Variants in CADPS2 observed in about 807,000 individuals in gnomAD.
The protein encoded by CADPS2 is calcium dependent secretion activator 2.
In CADPS2, 93 loss-of-function variants were observed where a neutral mutation model predicts 172.5. That is an observed-to-expected ratio of 0.54 (90% CI 0.46 to 0.64). The LOEUF (loss-of-function observed/expected upper bound fraction) is 0.64, where lower values mean the gene tolerates loss of function less well. Among genes scored for constraint, CADPS2 ranks in the 30% least tolerant of loss-of-function variants. CADPS2 has a pLI of 0.00. For synonymous variants in CADPS2, 546 were observed against 555.2 expected, an observed-to-expected ratio of 0.98 and a Z score of 0.23; for missense variants, 1,420 against 1,565.9, an observed-to-expected ratio of 0.91 and a Z score of 1.57.
intron 19 of CADPS2, among the ~76,000 whole-genome samples, chr7:122,408,346 TAG>T (rs1269748505): frequency 3.9e-5 from 6 of 152,346 alleles, no homozygotes; most frequent in African/African-American, 1.4e-4. Flanking sequence ...GTATGCATTT[TAG>T]AGTCTTCACA....
intron 9 of CADPS2, among the ~76,000 whole-genome samples, chr7:122,507,452 A>G (rs1326620990): frequency 6.6e-6 from 1 of 152,150 alleles, no homozygotes; most frequent in East Asian, 1.9e-4. Context: ...GTATCTGGTG[A>G]CTTGAAGGTG....
chr7:122,878,512 T>C (rs1286598787), intron 1 of CADPS2, among the ~76,000 whole-genome samples: 1 of 150,108 alleles, frequency 6.7e-6, no homozygotes, highest in Non-Finnish European at 1.5e-5. Context: ...CAGTGGCGGG[T>C]GCCTGTAGTC....
At chr7:122,706,778 G>A (rs571448384) in intron 2 of CADPS2, among the ~76,000 whole-genome samples, 1 of 147,492 alleles carries the variant, frequency 6.8e-6, no homozygotes, top group South Asian at 2.1e-4. Context: ...GTATGTGTGT[G>A]TGTGTACATA....
At chr7:122,509,572 T>C (rs2059870351) in intron 9 of CADPS2, among the ~76,000 whole-genome samples, 1 of 152,180 alleles carries the variant, frequency 6.6e-6, no homozygotes, top group Admixed American at 6.5e-5. Flanking sequence ...GTAACACTGT[T>C]TTGTACTTCA....
At position 122,812,036 on chromosome 7, in the gene CADPS2, ACTC is replaced by A. The variant is rs1375958635; in HGVS notation, c.339+73960_339+73962del. Among the ~76,000 whole-genome samples the A allele has an allele frequency of 2.0e-5, 3 of 149,304 alleles. No individual in the cohort carries two copies. The East Asian group carries it at 5.9e-4, about 29-fold the overall frequency. On this transcript the variant is annotated intron_variant, in intron 1 of 29. Coordinates refer to ENST00000449022, the MANE Select transcript of CADPS2 (RefSeq NM_017954.11). ...GGGAATTCACCTATTTTTTTTTTTC[ACTC>A]CTCTATATTTCCTTTCATAGAACTT...
chr7:122,551,587 C>G (rs2064304539), intron 8 of CADPS2, among the ~76,000 whole-genome samples: 1 of 152,062 alleles, frequency 6.6e-6, no homozygotes, highest in African/African-American at 2.4e-5. Context: ...GTTTTTACTA[C>G]TGAAGTCCTA....
chr7:122,433,902 T>C (rs1179319524), intron 17 of CADPS2, among the ~76,000 whole-genome samples: 2 of 152,142 alleles, frequency 1.3e-5, no homozygotes, highest in African/African-American at 4.8e-5. Flanking sequence ...ACTCTACACA[T>C]GGCCTCTGCC....
At chr7:122,323,921 A>G (rs2033254438) in intron 29 of CADPS2, among the ~76,000 whole-genome samples, 1 of 120,106 alleles carries the variant, frequency 8.3e-6, no homozygotes. Flanking sequence ...ATATATATAT[A>G]TGGCAAATAC....
At chr7:122,544,540 C>T (rs956941304) in intron 8 of CADPS2, among the ~76,000 whole-genome samples, 2 of 152,136 alleles carry the variant, frequency 1.3e-5, no homozygotes, top group South Asian at 4.1e-4. Flanking sequence ...GTCAGTTTCA[C>T]GCTGGCTAGC....
chr7:122,872,470 G>A (rs1342381923), intron 1 of CADPS2, among the ~76,000 whole-genome samples: 1 of 151,930 alleles, frequency 6.6e-6, no homozygotes, highest in Non-Finnish European at 1.5e-5. Context: ...AAGGACGAGG[G>A]AACAAGAATG....
chr7:122,827,970 G>A (rs1805425500), intron 1 of CADPS2, among the ~76,000 whole-genome samples: 1 of 152,162 alleles, frequency 6.6e-6, no homozygotes, highest in South Asian at 2.1e-4. Context: ...GCTGATTTTT[G>A]TCTAGTAGTT....
intron 19 of CADPS2, among the ~76,000 whole-genome samples, chr7:122,410,396 C>T (rs1002550453): frequency 6.8e-6 from 1 of 146,948 alleles, no homozygotes; most frequent in South Asian, 2.1e-4. Context: ...ATTAATAATA[C>T]AAATAAGCAA....
rs774207639 is a variant in CADPS2 at position 122,451,373 on chromosome 7, C to T, written c.2288+1G>A. ...ATTTATATTAATAAAAAAATATATA[C>T]CTGAAATGGCTTATCTGATTTTCTA... On this transcript the variant is annotated splice_donor_variant, in intron 15 of 29. Transcript: ENST00000449022. LOFTEE classifies it high-confidence loss of function. The T allele has an allele frequency of 7.1e-7, 1 of 1,407,678 alleles. No homozygotes were observed. The highest frequency in any genetic ancestry group is 9.6e-7 in the Non-Finnish European group (1 of 1,041,062). 87.2% of individuals were successfully genotyped at this position (1,407,678 alleles called of 1,614,324 possible).
At chr7:122,544,882 G>T (rs1292168723) in intron 8 of CADPS2, among the ~76,000 whole-genome samples, 1 of 152,110 alleles carries the variant, frequency 6.6e-6, no homozygotes, top group Non-Finnish European at 1.5e-5. Context: ...AAATAACTTT[G>T]TAATTCACTT....
At chr7:122,520,187 T>C (rs1177538159) in intron 8 of CADPS2, among the ~76,000 whole-genome samples, 1 of 152,066 alleles carries the variant, frequency 6.6e-6, no homozygotes, top group East Asian at 1.9e-4. Flanking sequence ...CATTAACATA[T>C]GTATTTTAGT....
At chr7:122,415,860 T>C (rs191877572) in intron 18 of CADPS2, among the ~76,000 whole-genome samples, 79 of 152,328 alleles carry the variant, frequency 5.2e-4, no homozygotes, top group Non-Finnish European at 9.4e-4. Flanking sequence ...GTTATGTTTT[T>C]AGAAAATTCA....
chr7:122,409,556 C>G, intron 19 of CADPS2: 1 of 421,412 alleles, frequency 2.4e-6, no homozygotes, highest in Non-Finnish European at 5.1e-6. Flanking sequence ...ATATTTATAT[C>G]TCAAGTTGTA....
intron 28 of CADPS2, among the ~76,000 whole-genome samples, chr7:122,337,086 T>G (rs1208861064): frequency 1.3e-5 from 2 of 152,218 alleles, no homozygotes; most frequent in African/African-American, 4.8e-5. Flanking sequence ...CAAGGCTACA[T>G]CTCCCTAATC....
intron 1 of CADPS2, among the ~76,000 whole-genome samples, chr7:122,748,879 G>T (rs1381255171): frequency 2.0e-5 from 3 of 151,998 alleles, no homozygotes; most frequent in African/African-American, 7.2e-5. Context: ...CAATAAGGGG[G>T]TGGGGGAGGG....
Sources: gnomAD v4.1 joint callset for allele counts (sites outside exome capture counted in the v4.1 genomes callset) on GRCh38, gnomAD v4.1.1 for gene constraint, MANE v1.5 for transcripts, NCBI Gene and HGNC (gene_info 2026-07-23, HGNC 2026-07-21) for gene names.